CXCL10: variants seen among roughly 807,000 people sequenced by gnomAD.
CXCL10 encodes the protein C-X-C motif chemokine ligand 10.
CXCL10 carries 6 observed loss-of-function variants against 10.8 expected under a neutral mutation model. That is an observed-to-expected ratio of 0.55 (90% confidence interval 0.30 to 1.09). The LOEUF (loss-of-function observed/expected upper bound fraction) is 1.09. Among genes scored for constraint, CXCL10 ranks in the 50% least tolerant of loss-of-function variants. The pLI is 0.06. For missense variants in CXCL10, 114 were observed against 114.3 expected (o/e 1.00, Z 0.01); for synonymous variants, 35 against 35.8 (o/e 0.98, Z 0.08).
chr4:76,022,294 T>C lies in CXCL10; in HGVS notation c.278+72A>G, dbSNP rs1732915831. 4.8e-6 allele frequency: 6 copies of C among 1,237,598 alleles called. No homozygotes were observed. The Admixed American group carries it at 6.7e-5, about 14-fold the overall frequency. 76.7% of individuals were successfully genotyped at this position (1,237,598 alleles called of 1,614,324 possible). On this transcript the variant is annotated intron_variant, in intron 3 of 3. Coordinates refer to ENST00000306602, the MANE Select transcript of CXCL10 (RefSeq NM_001565.4). ...CCAGCGATTGCACAGCAAACCACAA[T>C]GCAAGTATTTCTGACTCCCAAGATT...
At chr4:76,022,554 T>G in intron 2 of CXCL10, 99 bp from the exon 3 acceptor site, 1 of 1,477,028 alleles carries the variant, frequency 6.8e-7, no homozygotes, top group South Asian at 1.2e-5. Flanking sequence ...AGTTTCACTC[T>G]GCATGTTTTT....
chr4:76,023,381 A>G lies in CXCL10; in HGVS notation c.51T>C (p.Ser17=). The part of the protein sequence containing the change: ...LICCLIFLTL[S]GIQGVPLSRT... Reference sequence around the variant, plus strand: ...TTTGATGTTCCTTACCTTGAATGCCACTTAGAGTCAGAAAGATAAGGCAGC... The same window carrying G: ...TTTGATGTTCCTTACCTTGAATGCCGCTTAGAGTCAGAAAGATAAGGCAGC... Residue 17 remains serine, a synonymous_variant, in exon 1 of 4, where the codon AGT becomes AGC. Transcript: ENST00000306602. 6.2e-7 allele frequency: 1 copy of G among 1,613,248 alleles called. No homozygotes were observed. Among genetic ancestry groups the G allele is most frequent in the Non-Finnish European group, 8.5e-7 (1 of 1,179,206 alleles).
At chr4:76,022,954 A>G (rs1733006960) in intron 1 of CXCL10, 137 bp from the exon 2 acceptor site, 2 of 810,114 alleles carry the variant, frequency 2.5e-6, no homozygotes, top group East Asian at 5.1e-5. Flanking sequence ...AATGGATCAC[A>G]TCATAACACA....
Position 76,021,614 on chromosome 4 carries a change from C to T in CXCL10, c.*316G>A. On this transcript the variant is annotated 3_prime_UTR_variant, in exon 4 of 4. Coordinates refer to ENST00000306602, the MANE Select transcript of CXCL10 (RefSeq NM_001565.4). ...CAAAGCAGAAAGATTCCTTAGTACCCTTGGAAGATGGGAAAGGTGAGGGAA... is the reference window on the plus strand; with the variant it reads ...CAAAGCAGAAAGATTCCTTAGTACCTTTGGAAGATGGGAAAGGTGAGGGAA... 1 of 325,684 alleles carries T rather than the reference C, an allele frequency of 3.1e-6. No homozygotes were observed. Among genetic ancestry groups the T allele is most frequent in the Non-Finnish European group, 5.6e-6 (1 of 178,560 alleles). 20.2% of individuals were successfully genotyped at this position (325,684 alleles called of 1,614,324 possible). A position where few individuals can be genotyped will look rare whatever the true frequency, so the allele number is the denominator to read the frequency against.
At chr4:76,022,896 C>G (rs1348918625) in intron 1 of CXCL10, 79 bp from the exon 2 acceptor site, 4 of 1,455,410 alleles carry the variant, frequency 2.7e-6, no homozygotes, top group African/African-American at 2.8e-5. Context: ...TGGTATTTAG[C>G]AGAACCTATA....
chr4:76,021,338 A>G lies in CXCL10; in HGVS notation c.*592T>C, dbSNP rs1732789592. ...TTATTCCATGTACACTGAAAACAAT[A>G]TAGGAAATATATACATCTAAGACTT... is the stretch of plus-strand genomic sequence containing the variant. On this transcript the variant is annotated 3_prime_UTR_variant, in exon 4 of 4. Coordinates refer to ENST00000306602, the MANE Select transcript of CXCL10 (RefSeq NM_001565.4). 6.6e-6 allele frequency: 1 copy of G among 152,376 alleles called. No individual in the cohort carries two copies. The highest frequency in any genetic ancestry group is 1.5e-5 in the Non-Finnish European group (1 of 68,180). The allele number at this position is 152,376 out of a possible 1,614,324, so 9.4% of individuals were successfully genotyped here. A position where few individuals can be genotyped will look rare whatever the true frequency, so the allele number is the denominator to read the frequency against.
intron 1 of CXCL10, among the ~76,000 whole-genome samples, 162 bp downstream of exon 1, chr4:76,023,209 A>G (rs925474785): frequency 6.6e-6 from 1 of 151,750 alleles, no homozygotes; most frequent in African/African-American, 2.4e-5. Flanking sequence ...CTCTCACTTC[A>G]ATTCATATAA....
At chr4:76,022,531 A>T in intron 2 of CXCL10, 76 bp from the exon 3 acceptor site, 1 of 1,505,040 alleles carries the variant, frequency 6.6e-7, no homozygotes, top group Admixed American at 1.7e-5. Flanking sequence ...GCAGTTCTGA[A>T]GTCAGACATT....
In CXCL10 at chr4:76,022,474, A is replaced by T; in HGVS notation, c.189-19T>A. 6.2e-7 allele frequency: 1 copy of T among 1,602,694 alleles called. No homozygotes were observed. The highest frequency in any genetic ancestry group is 8.5e-7 in the Non-Finnish European group (1 of 1,172,252). On this transcript the variant is annotated intron_variant, in intron 2 of 3. Coordinates refer to ENST00000306602, the MANE Select transcript of CXCL10 (RefSeq NM_001565.4). Reference sequence around the variant, plus strand: ...TGTAGCACTGTAGAAATAAATAGGGATGAAAATATTTAAAACTGTGTTGGG... The same window carrying T: ...TGTAGCACTGTAGAAATAAATAGGGTTGAAAATATTTAAAACTGTGTTGGG...
Position 76,022,656 on chromosome 4 carries a change from C to T in CXCL10, c.188+35G>A, listed in dbSNP as rs755020591. 1.9e-6 allele frequency: 3 copies of T among 1,605,564 alleles called. No individual in the cohort carries two copies. The African/African-American group carries it at 4.0e-5, about 21-fold the overall frequency. On this transcript the variant is annotated intron_variant, in intron 2 of 3. Coordinates refer to ENST00000306602, the MANE Select transcript of CXCL10 (RefSeq NM_001565.4). Reference sequence around the variant, plus strand: ...TATTTAATACAGTATATAATTACAACCAGGGAAGTGATAATCAGATGGGAT... The same window carrying T: ...TATTTAATACAGTATATAATTACAATCAGGGAAGTGATAATCAGATGGGAT...
At position 76,022,407 on chromosome 4, in the gene CXCL10, C is replaced by T. The variant is rs1732931234; in HGVS notation, c.237G>A (p.Ser79=). Residue 79 remains serine, a synonymous_variant, in exon 3 of 4, where the codon TCG becomes TCA. Coordinates refer to ENST00000306602, the MANE Select transcript of CXCL10 (RefSeq NM_001565.4). ...KGEKRCLNPE[S]KAIKNLLKAV... ...CTTTCAGTAAATTCTTGATGGCCTT[C>T]GATTCTGGATTCAGACATCTCTTCT... The T allele has an allele frequency of 4.3e-6, 7 of 1,613,608 alleles. No homozygotes were observed. Among genetic ancestry groups the T allele is most frequent in the East Asian group, 2.2e-5 (1 of 44,882 alleles).
chr4:76,023,202 T>C (rs1297394663), intron 1 of CXCL10, among the ~76,000 whole-genome samples, 169 bp downstream of exon 1: 2 of 152,214 alleles, frequency 1.3e-5, no homozygotes, highest in Non-Finnish European at 2.9e-5. Flanking sequence ...TTTGTTTCTC[T>C]CACTTCAATT....
chr4:76,022,197 T>C (rs980452162), intron 3 of CXCL10, among the ~76,000 whole-genome samples, 169 bp downstream of exon 3: 1 of 152,222 alleles, frequency 6.6e-6, no homozygotes, highest in Non-Finnish European at 1.5e-5. Flanking sequence ...CTGATACTTA[T>C]CACACAAGAT....
At position 76,022,439 on chromosome 4, in the gene CXCL10, T is replaced by C. The variant is rs754930621; in HGVS notation, c.205A>G (p.Lys69Glu). Reference sequence around the variant, plus strand: ...GGATTCAGACATCTCTTCTCACCCTTCTTTTTCATTGTAGCACTGTAGAAA... The same window carrying C: ...GGATTCAGACATCTCTTCTCACCCTCCTTTTTCATTGTAGCACTGTAGAAA... ...RVEIIATMKK[K>E]GEKRCLNPES... The change falls in exon 3 of 4, where the codon AAG becomes GAG. Residue 69 changes from lysine to glutamate, a missense_variant. Coordinates refer to ENST00000306602, the MANE Select transcript of CXCL10 (RefSeq NM_001565.4). 5 of 1,613,062 alleles carry C rather than the reference T, an allele frequency of 3.1e-6. No homozygotes were observed. Among genetic ancestry groups the C allele is most frequent in the Non-Finnish European group, 4.2e-6 (5 of 1,179,880 alleles).
At chr4:76,022,600 C>A (rs1185150102) in intron 2 of CXCL10, 91 bp downstream of exon 2, 5 of 1,454,710 alleles carry the variant, frequency 3.4e-6, no homozygotes, top group Non-Finnish European at 2.8e-6. Flanking sequence ...CATCACAAAC[C>A]CTTTACTGAT....
chr4:76,022,342 T>G, intron 3 of CXCL10, 24 bp downstream of exon 3: 1 of 1,590,414 alleles, frequency 6.3e-7, no homozygotes, highest in Non-Finnish European at 8.6e-7. Flanking sequence ...AGAGCAATTC[T>G]TCTGCAGGCA....
At chr4:76,022,607 T>G in intron 2 of CXCL10, 84 bp downstream of exon 2, 2 of 1,447,518 alleles carry the variant, frequency 1.4e-6, no homozygotes, top group Non-Finnish European at 1.8e-6. Context: ...AACCCTTTAC[T>G]GATCTTTTTT....
At chr4:76,022,559 G>A in intron 2 of CXCL10, 104 bp from the exon 3 acceptor site, 5 of 1,476,382 alleles carry the variant, frequency 3.4e-6, no homozygotes, top group Non-Finnish European at 4.7e-6. Context: ...CACTCTGCAT[G>A]TTTTTGTTTG....
At chr4:76,023,244 A>C in intron 1 of CXCL10, 127 bp downstream of exon 1, 1 of 667,516 alleles carries the variant, frequency 1.5e-6, no homozygotes, top group Non-Finnish European at 2.6e-6. Flanking sequence ...GGGAATCTCT[A>C]TTTATTTCCC....
Sources: allele counts gnomAD v4.1 joint callset (sites outside exome capture counted in the v4.1 genomes callset), GRCh38; gene constraint gnomAD v4.1.1; transcripts MANE v1.5; gene names NCBI Gene and HGNC (gene_info 2026-07-23, HGNC 2026-07-21).